Variants in TRAPPC9 observed in about 807,000 individuals in gnomAD.
TRAPPC9 encodes the protein trafficking protein particle complex subunit 9.
In TRAPPC9, 83 loss-of-function variants were observed where a neutral mutation model predicts 124.0. The ratio of observed to expected loss-of-function variants is 0.67; its 90% CI spans 0.56 to 0.80. The LOEUF is 0.80. Ranked by LOEUF, TRAPPC9 falls within the 30% of genes least tolerant of loss-of-function variation. The pLI is 0.00. For synonymous variants in TRAPPC9, 638 were observed against 617.5 expected (o/e 1.03, Z -0.49); for missense variants, 1,302 against 1,508.3 (o/e 0.86, Z 2.27).
At chr8:139,998,205 A>G (rs1432342975) in intron 18 of TRAPPC9, among the ~76,000 whole-genome samples, 1 of 152,264 alleles carries the variant, frequency 6.6e-6, no homozygotes, top group Non-Finnish European at 1.5e-5. Flanking sequence ...AGAAGTCCAT[A>G]TCTATTAAAG....
intron 17 of TRAPPC9, among the ~76,000 whole-genome samples, chr8:140,190,389 C>T (rs150984990): frequency 6.6e-6 from 1 of 152,240 alleles, no homozygotes; most frequent in African/African-American, 2.4e-5. Flanking sequence ...ACTCGGGAGC[C>T]GGAGGTTGCA....
chr8:140,118,534 G>T (rs564963224), intron 17 of TRAPPC9, among the ~76,000 whole-genome samples: 145 of 152,322 alleles, frequency 9.5e-4, no homozygotes, highest in African/African-American at 3.3e-3. Context: ...GCCTCTGATA[G>T]CCATGTCTGT....
intron 9 of TRAPPC9, among the ~76,000 whole-genome samples, chr8:140,312,739 C>T (rs1317611950): frequency 2.7e-5 from 4 of 147,098 alleles, no homozygotes; most frequent in Admixed American, 6.9e-5. Flanking sequence ...TGTGCCTACG[C>T]ATTCTTCTTC....
intron 17 of TRAPPC9, among the ~76,000 whole-genome samples, chr8:140,218,828 C>T (rs542243247): frequency 3.9e-5 from 6 of 152,150 alleles, no homozygotes; most frequent in South Asian, 2.1e-4. Context: ...GGTGTGGTGG[C>T]GCACGCCTGT....
At chr8:140,105,531 T>C (rs2060647792) in intron 17 of TRAPPC9, among the ~76,000 whole-genome samples, 1 of 152,174 alleles carries the variant, frequency 6.6e-6, no homozygotes, top group South Asian at 2.1e-4. Flanking sequence ...GCGCCATGTG[T>C]ATAAACCCTC....
At chr8:140,053,125 A>G (rs1375019251) in intron 17 of TRAPPC9, among the ~76,000 whole-genome samples, 1 of 152,246 alleles carries the variant, frequency 6.6e-6, no homozygotes, top group Non-Finnish European at 1.5e-5. Flanking sequence ...TTTGGCAAAC[A>G]CATAATCATT....
intron 17 of TRAPPC9, among the ~76,000 whole-genome samples, chr8:140,034,285 T>C (rs1173067672): frequency 6.6e-6 from 1 of 152,210 alleles, no homozygotes; most frequent in East Asian, 1.9e-4. Flanking sequence ...GATAATCTTA[T>C]TAATAAACAC....
At chr8:140,389,685 C>G (rs2068866961) in intron 7 of TRAPPC9, among the ~76,000 whole-genome samples, 1 of 152,152 alleles carries the variant, frequency 6.6e-6, no homozygotes, top group South Asian at 2.1e-4. Context: ...ATATTCAGCT[C>G]AGCTCTAAGG....
At chr8:140,256,951 T>G (rs2064280713) in intron 15 of TRAPPC9, among the ~76,000 whole-genome samples, 1 of 152,190 alleles carries the variant, frequency 6.6e-6, no homozygotes, top group Non-Finnish European at 1.5e-5. Context: ...CCACCAATGA[T>G]GGGGGCTCGT....
intron 17 of TRAPPC9, among the ~76,000 whole-genome samples, chr8:140,082,879 A>G (rs1843924660): frequency 6.6e-6 from 1 of 152,150 alleles, no homozygotes; most frequent in Non-Finnish European, 1.5e-5. Context: ...GCAATTTGAC[A>G]GCAGGTAACA....
At chr8:140,432,267 T>C (rs1038506830) in intron 4 of TRAPPC9, among the ~76,000 whole-genome samples, 2 of 152,014 alleles carry the variant, frequency 1.3e-5, no homozygotes, top group Non-Finnish European at 2.9e-5. Context: ...TAAAATACGA[T>C]GCTCAGAGAC....
intron 6 of TRAPPC9, among the ~76,000 whole-genome samples, chr8:140,403,250 G>A (rs1350660808): frequency 1.3e-5 from 2 of 152,088 alleles, no homozygotes; most frequent in Non-Finnish European, 2.9e-5. Flanking sequence ...CCAACATGGT[G>A]AAGCTCTGTG....
chr8:139,813,965 GT>G lies in TRAPPC9; in HGVS notation c.3055+71913del, dbSNP rs377187477. ...ACAGACCTCACAGCCCAGCCCAGGG[GT>G]CGGTGAGGGTGCCCCAGAAAGTTCC... On this transcript the variant is annotated intron_variant, in intron 21 of 22. Transcript: ENST00000438773. Among the ~76,000 whole-genome samples the G allele has an allele frequency of 8.7e-3, 1,328 of 152,308 alleles. 15 individuals are homozygous for G. The highest frequency in any genetic ancestry group is 0.03 in the African/African-American group (1,229 of 41,568).
rs527436310 is a variant in TRAPPC9, at chr8:140,456,908, G to C, written c.-11+731C>G. On this transcript the variant is annotated intron_variant, in intron 1 of 22. Coordinates refer to ENST00000438773, the MANE Select transcript of TRAPPC9 (RefSeq NM_001160372.4). ...AAACTTTCGGTTAACAGACATTCAC[G>C]TTGGGAAGGTCTGCAGGGGTGGAGG... 3.3e-5 allele frequency: 29 copies of C among 874,696 alleles called. No individual in the cohort carries two copies. The African/African-American group carries it at 5.1e-4, about 15-fold the overall frequency. 54.2% of individuals were successfully genotyped at this position (874,696 alleles called of 1,614,324 possible).
chr8:139,758,309 C>A (rs144797565), intron 21 of TRAPPC9, among the ~76,000 whole-genome samples: 68 of 152,336 alleles, frequency 4.5e-4, no homozygotes, highest in African/African-American at 1.5e-3. Context: ...TCACACTGAG[C>A]ATGCCCACGT....
intron 17 of TRAPPC9, among the ~76,000 whole-genome samples, chr8:140,198,714 G>A (rs1042605270): frequency 6.6e-6 from 1 of 152,148 alleles, no homozygotes; most frequent in African/African-American, 2.4e-5. Context: ...GCTCTGTCTA[G>A]GCAGCAGGCA....
intron 19 of TRAPPC9, among the ~76,000 whole-genome samples, chr8:139,917,750 G>A (rs564800900): frequency 1.4e-4 from 22 of 152,250 alleles, no homozygotes; most frequent in Non-Finnish European, 1.8e-4. Context: ...AATGGGAGAC[G>A]GAGAAGTCAA....
chr8:139,765,383 T>TG (rs1820516127), intron 21 of TRAPPC9, among the ~76,000 whole-genome samples: 1 of 152,152 alleles, frequency 6.6e-6, no homozygotes, highest in South Asian at 2.1e-4. Context: ...TGGACATGTG[T>TG]GGGTTTGCGT....
At chr8:140,038,849 T>G (rs866863506) in intron 17 of TRAPPC9, among the ~76,000 whole-genome samples, 4 of 152,182 alleles carry the variant, frequency 2.6e-5, no homozygotes, top group Non-Finnish European at 5.9e-5. Flanking sequence ...GGAGCCTCCA[T>G]AGGATGCAAG....
Sources: gnomAD v4.1 joint callset for allele counts (sites outside exome capture counted in the v4.1 genomes callset) on GRCh38, gnomAD v4.1.1 for gene constraint, MANE v1.5 for transcripts, NCBI Gene and HGNC (gene_info 2026-07-23, HGNC 2026-07-21) for gene names.